Variants in PRKN observed in about 807,000 individuals in gnomAD.
The protein encoded by PRKN is E3 ubiquitin-protein ligase parkin.
PRKN carries 56 observed loss-of-function variants against 59.5 expected under a neutral mutation model. The ratio of observed to expected loss-of-function variants is 0.94; its 90% confidence interval spans 0.76 to 1.18. The LOEUF is 1.18. Among genes scored for constraint, PRKN ranks in the 50% most tolerant of loss-of-function variants. PRKN has a pLI of 0.00. For missense variants in PRKN, 657 were observed against 596.4 expected (o/e 1.10, Z -1.06); for synonymous variants, 250 against 222.1 (o/e 1.13, Z -1.12).
rs561631983 is a variant in PRKN, at chr6:161,462,494, T to C, written c.1084-75617A>G. On this transcript the variant is annotated intron_variant, in intron 9 of 11. Transcript: ENST00000366898. The surrounding 1 kb of genome is among the most constrained non-coding windows in gnomAD (Gnocchi z 4.5). ...CCCAAAGCAAAGATAAGATGGTTAG[T>C]ATGTTTGACCAGTCATTAAAATGTG... Among the ~76,000 whole-genome samples, 1 of 152,316 alleles carries C rather than the reference T, an allele frequency of 6.6e-6. No homozygotes were observed. The highest frequency in any genetic ancestry group is 6.5e-5 in the Admixed American group (1 of 15,306).
chr6:161,500,864 G>GTTTTTT (rs373088841), intron 9 of PRKN, among the ~76,000 whole-genome samples: 2 of 132,532 alleles, frequency 1.5e-5, no homozygotes, highest in Non-Finnish European at 1.6e-5. Flanking sequence ...GTTTAGTTTA[G>GTTTTTT]TTTTTTTTTT....
chr6:161,683,668 T>C (rs923085964), intron 7 of PRKN, among the ~76,000 whole-genome samples: 1 of 152,190 alleles, frequency 6.6e-6, no homozygotes, highest in Admixed American at 6.5e-5. Flanking sequence ...GGAGTGAATC[T>C]GTCCTTGGGT....
Position 162,319,698 on chromosome 6 carries a change from A to G in PRKN, c.172-56933T>C, listed in dbSNP as rs146184442. ...TACACAGTTTGCTCTTTAGCATCCA[A>G]TTCCAATCACTAATATACTAACATT... On this transcript the variant is annotated intron_variant, in intron 2 of 11. Transcript: ENST00000366898. Among the ~76,000 whole-genome samples the G allele has an allele frequency of 2.0e-3, 304 of 152,144 alleles. 2 individuals carry two copies. The highest frequency in any genetic ancestry group is 7.1e-3 in the African/African-American group (294 of 41,568).
At chr6:162,683,163 AG>A (rs1411373753) in intron 1 of PRKN, among the ~76,000 whole-genome samples, 1 of 152,198 alleles carries the variant, frequency 6.6e-6, no homozygotes, top group Non-Finnish European at 1.5e-5. Flanking sequence ...CTTCTTCAAC[AG>A]TGAAGCGGGG....
rs550863634 is a variant in PRKN, at chr6:161,487,201, A to C, written c.1083+61653T>G. 2.0e-5 allele frequency among the ~76,000 whole-genome samples: 3 copies of C among 152,362 alleles called. No individual in the cohort carries two copies. In the South Asian group the frequency reaches 6.2e-4, roughly 32 times the overall value. ...TTAATCCAAAAGCAATTCTGAGTGA[A>C]GTCCTATCCCTCAACCCTTTTTACA... On this transcript the variant is annotated intron_variant, in intron 9 of 11. Transcript: ENST00000366898. The surrounding 1 kb of genome is among the most constrained non-coding windows in gnomAD (Gnocchi z 5.3).
chr6:161,950,947 GC>G (rs1779966447), intron 6 of PRKN, among the ~76,000 whole-genome samples: 1 of 116,666 alleles, frequency 8.6e-6, no homozygotes, highest in Non-Finnish European at 1.7e-5. Context: ...TATTCCAGGG[GC>G]ATTGAGCCAT....
chr6:161,882,745 T>C (rs988524606), intron 6 of PRKN, among the ~76,000 whole-genome samples: 1 of 152,168 alleles, frequency 6.6e-6, no homozygotes, highest in Non-Finnish European at 1.5e-5. Flanking sequence ...GGCTCACGCT[T>C]GTAATCCCAG....
At chr6:162,351,997 C>T (rs1322145378) in intron 2 of PRKN, among the ~76,000 whole-genome samples, 1 of 152,196 alleles carries the variant, frequency 6.6e-6, no homozygotes, top group East Asian at 1.9e-4. Flanking sequence ...GCTTTTGAGC[C>T]ACCCCCTCCG....
At position 161,457,115 on chromosome 6, in the gene PRKN, C is replaced by T. The variant is rs999318048; in HGVS notation, c.1084-70238G>A. On this transcript the variant is annotated intron_variant, in intron 9 of 11. Transcript: ENST00000366898. The surrounding 1 kb of genome is among the most constrained non-coding windows in gnomAD (Gnocchi z 5.0). ...CGCTACGCAAGGCTCTCTTCCAGACCGCTTGGTTCTTTGGAGTCCAGGAGT... is the reference window on the plus strand; with the variant it reads ...CGCTACGCAAGGCTCTCTTCCAGACTGCTTGGTTCTTTGGAGTCCAGGAGT... Among the ~76,000 whole-genome samples the T allele has an allele frequency of 2.0e-5, 3 of 152,318 alleles. No individual in the cohort carries two copies. The highest frequency in any genetic ancestry group is 3.9e-4 in the East Asian group (2 of 5,186).
chr6:161,540,721 T>G (rs1280615691), intron 9 of PRKN, among the ~76,000 whole-genome samples: 1 of 152,242 alleles, frequency 6.6e-6, no homozygotes, highest in East Asian at 1.9e-4. Flanking sequence ...AGGTAGTTCT[T>G]GCTCTACAGA....
chr6:162,274,581 T>C (rs1029370796), intron 2 of PRKN, among the ~76,000 whole-genome samples: 1 of 152,170 alleles, frequency 6.6e-6, no homozygotes, highest in African/African-American at 2.4e-5. Flanking sequence ...TGCAAGGTTG[T>C]GCAGCCATCA....
At chr6:162,281,031 G>GA (rs1296315417) in intron 2 of PRKN, among the ~76,000 whole-genome samples, 1 of 151,892 alleles carries the variant, frequency 6.6e-6, no homozygotes, top group Non-Finnish European at 1.5e-5. Flanking sequence ...CACAGGAACA[G>GA]AAAAAAACAC....
At chr6:161,850,620 A>C (rs1392981520) in intron 6 of PRKN, among the ~76,000 whole-genome samples, 1 of 151,788 alleles carries the variant, frequency 6.6e-6, no homozygotes, top group Non-Finnish European at 1.5e-5. Flanking sequence ...GAAATATCTA[A>C]AAGTTTTTTT....
chr6:162,075,936 T>C (rs1237688632), intron 4 of PRKN, among the ~76,000 whole-genome samples: 1 of 149,856 alleles, frequency 6.7e-6, no homozygotes, highest in African/African-American at 2.5e-5. Flanking sequence ...TGTCCTGGGG[T>C]TTGTAGACAT....
At position 161,867,769 on chromosome 6, in the gene PRKN, A is replaced by G. The variant is rs149871095; in HGVS notation, c.735-81861T>C. The stretch of plus-strand genomic sequence containing the variant: ...TATTTATTTATTTATTTATTTATTT[A>G]TTTATTTTTGAGACAGAGTCTCACT... On this transcript the variant is annotated intron_variant, in intron 6 of 11. Coordinates refer to ENST00000366898, the MANE Select transcript of PRKN (RefSeq NM_004562.3). Among the ~76,000 whole-genome samples the G allele has an allele frequency of 4.0e-4, 61 of 150,846 alleles. No homozygotes were observed. The East Asian group carries it at 0.011, about 28-fold the overall frequency.
intron 4 of PRKN, among the ~76,000 whole-genome samples, chr6:162,161,312 C>A (rs1266194346): frequency 6.6e-6 from 1 of 151,912 alleles, no homozygotes; most frequent in African/African-American, 2.4e-5. Flanking sequence ...CCAGTACCCC[C>A]TAGGAAGGCC....
rs1326237264 is a variant in PRKN at position 162,213,742 on chromosome 6, T to TA, written c.413-12491dup. Among the ~76,000 whole-genome samples, 221 of 124,338 alleles carry TA rather than the reference T, an allele frequency of 1.8e-3. 2 individuals carry two copies. Among genetic ancestry groups the TA allele is most frequent in the Admixed American group, 4.3e-3 (53 of 12,256 alleles). The allele number at this position is 124,338 out of a possible 152,430, so 81.6% of individuals were successfully genotyped here. On this transcript the variant is annotated intron_variant, in intron 3 of 11. Transcript: ENST00000366898. ...AGAATGACACCCTGCCTTAAAAAAA[T>TA]AAAAAAAATGTATATTTTGTAGAAT...
At chr6:161,586,147 C>CT (rs1247648368) in intron 7 of PRKN, among the ~76,000 whole-genome samples, 1 of 152,130 alleles carries the variant, frequency 6.6e-6, no homozygotes, top group Non-Finnish European at 1.5e-5. Context: ...TCCAGAGTAG[C>CT]TAGGACTGCA....
In PRKN at chr6:161,372,331, G is replaced by A. The variant is rs1162009957; in HGVS notation, c.1168-12126C>T. Among the ~76,000 whole-genome samples the A allele has an allele frequency of 2.0e-5, 3 of 152,190 alleles. No homozygotes were observed. Among genetic ancestry groups the A allele is most frequent in the Non-Finnish European group, 2.9e-5 (2 of 68,038 alleles). On this transcript the variant is annotated intron_variant, in intron 10 of 11. Coordinates refer to ENST00000366898, the MANE Select transcript of PRKN (RefSeq NM_004562.3). The surrounding 1 kb of genome is among the most constrained non-coding windows in gnomAD (Gnocchi z 4.2). ...AGTGACCAAAATTATCCACATAGATGGGATTCTGAATGCGGAATCATCACT... is the reference window on the plus strand; with the variant it reads ...AGTGACCAAAATTATCCACATAGATAGGATTCTGAATGCGGAATCATCACT...
Sources: gnomAD v4.1 joint callset for allele counts (sites outside exome capture counted in the v4.1 genomes callset) on GRCh38, gnomAD v4.1.1 for gene constraint, Gnocchi (gnomAD v3.1) non-coding constraint, MANE v1.5 for transcripts, NCBI Gene and HGNC (gene_info 2026-07-23, HGNC 2026-07-21) for gene names.